Variants in ARL6 observed in about 807,000 individuals in gnomAD.
The protein encoded by ARL6 is ADP-ribosylation factor-like protein 6.
In ARL6, 18 loss-of-function variants were observed where a neutral mutation model predicts 27.1. The ratio of observed to expected loss-of-function variants is 0.66; its 90% CI spans 0.46 to 0.98. ARL6 has a LOEUF of 0.98. Among genes scored for constraint, ARL6 ranks in the 50% least tolerant of loss-of-function variants. ARL6 has a pLI of 0.00. For synonymous variants in ARL6, 65 were observed against 72.3 expected, an observed-to-expected ratio of 0.90 and a Z score of 0.51; for missense variants, 187 against 214.9, an observed-to-expected ratio of 0.87 and a Z score of 0.81.
intron 1 of ARL6, among the ~76,000 whole-genome samples, chr3:97,765,529 CAA>C (rs1372333100): frequency 6.6e-6 from 1 of 151,888 alleles, no homozygotes; most frequent in Non-Finnish European, 1.5e-5. Flanking sequence ...GGCTGGTGTG[CAA>C]AGAGAGGGTT....
intron 4 of ARL6, among the ~76,000 whole-genome samples, chr3:97,783,350 G>C (rs1403170653): frequency 1.3e-5 from 2 of 151,696 alleles, no homozygotes; most frequent in African/African-American, 4.8e-5. Flanking sequence ...TGTGGTAAGG[G>C]TAAATCAGGA....
rs1298809525 is a variant in ARL6 at position 97,799,548 on chromosome 3, C to A, written c.*1499C>A. 2 of 151,984 alleles carry A rather than the reference C, an allele frequency of 1.3e-5. No homozygotes were observed. Among genetic ancestry groups the A allele is most frequent in the Admixed American group, 1.3e-4 (2 of 15,254 alleles). The allele number at this position is 151,984 out of a possible 1,614,324, so 9.4% of individuals were successfully genotyped here. A position where few individuals can be genotyped will look rare whatever the true frequency, so the allele number is the denominator to read the frequency against. On this transcript the variant is annotated 3_prime_UTR_variant, in exon 8 of 8. Transcript: ENST00000463745. ...TGTAATTTTTTAAAAAACTGATATG[C>A]TACAACTATTTTAGGATGGAGAAAG...
intron 4 of ARL6, among the ~76,000 whole-genome samples, chr3:97,784,299 C>G (rs2037338436): frequency 6.6e-6 from 1 of 151,792 alleles, no homozygotes; most frequent in Admixed American, 6.6e-5. Flanking sequence ...CACTGGCTAT[C>G]AGCTTTTAAA....
At chr3:97,786,187 C>T (rs1259104541) in intron 5 of ARL6, among the ~76,000 whole-genome samples, 1 of 151,972 alleles carries the variant, frequency 6.6e-6, no homozygotes, top group East Asian at 1.9e-4. Context: ...CCCATCTCTA[C>T]TAAAAATACA....
chr3:97,788,112 C>A lies in ARL6; in HGVS notation c.472C>A (p.His158Asn). Residue 158 changes from histidine to asparagine, a missense_variant, in exon 6 of 8, where the codon CAT (histidine) becomes AAT (asparagine). By Grantham distance (68) the His-to-Asn change is moderately conservative. Coordinates refer to ENST00000463745, the MANE Select transcript of ARL6 (RefSeq NM_001278293.3). ...CLENIKDKPW[H>N]ICASDAIKGE... ...AGAGAACATCAAAGATAAACCCTGG[C>A]ATATTTGGTAAAGTTTTATATTTAC... The A allele has an allele frequency of 6.2e-7, 1 of 1,612,648 alleles. No individual in the cohort carries two copies. Among genetic ancestry groups the A allele is most frequent in the Non-Finnish European group, 8.5e-7 (1 of 1,179,382 alleles).
intron 1 of ARL6, among the ~76,000 whole-genome samples, chr3:97,767,828 A>C (rs761839135): frequency 1.3e-5 from 2 of 152,180 alleles, no homozygotes; most frequent in Non-Finnish European, 2.9e-5. Flanking sequence ...GATAAATTAC[A>C]GAGAGAAATG....
At chr3:97,770,834 A>G (rs966773771) in intron 2 of ARL6, among the ~76,000 whole-genome samples, 1 of 152,056 alleles carries the variant, frequency 6.6e-6, no homozygotes, top group African/African-American at 2.4e-5. Context: ...GGATGTAAAT[A>G]CATGGATTTA....
chr3:97,779,001 A>T (rs2037045869), intron 2 of ARL6, among the ~76,000 whole-genome samples: 3 of 152,152 alleles, frequency 2.0e-5, no homozygotes, highest in Non-Finnish European at 2.9e-5. Flanking sequence ...ATTCAAACAG[A>T]GGAATAGTTT....
At chr3:97,784,919 A>G in intron 4 of ARL6, 36 bp from the exon 5 acceptor site, 1 of 1,486,698 alleles carries the variant, frequency 6.7e-7, no homozygotes, top group Non-Finnish European at 9.4e-7. Context: ...ATTTATAAGT[A>G]AAGCTTTAAT....
chr3:97,776,661 TA>T (rs1306132010), intron 2 of ARL6, among the ~76,000 whole-genome samples: 6 of 146,906 alleles, frequency 4.1e-5, no homozygotes, highest in Non-Finnish European at 7.7e-5. Flanking sequence ...TTTATTTATT[TA>T]TTTTTTTTTT....
chr3:97,767,684 A>G (rs1368391118), intron 1 of ARL6, among the ~76,000 whole-genome samples: 1 of 152,202 alleles, frequency 6.6e-6, no homozygotes, highest in Non-Finnish European at 1.5e-5. Flanking sequence ...TCTGCCTTCT[A>G]CATGAACCCC....
Position 97,780,216 on chromosome 3 carries a change from T to C in ARL6, c.181T>C (p.Ser61Pro). ...ATTCAGCATAGAGAAATTCAAATCATCCAGGTAATCCACTTTATCCCTTAA... is the reference window on the plus strand; with the variant it reads ...ATTCAGCATAGAGAAATTCAAATCACCCAGGTAATCCACTTTATCCCTTAA... Reference protein sequence around the residue: ...IGFSIEKFKSSSLSFTVFDMS... With the variant: ...IGFSIEKFKSPSLSFTVFDMS... Residue 61 changes from serine to proline, a missense_variant, in exon 3 of 8, where the codon TCC becomes CCC. Coordinates refer to ENST00000463745, the MANE Select transcript of ARL6 (RefSeq NM_001278293.3). The C allele has an allele frequency of 6.2e-7, 1 of 1,610,832 alleles. No individual in the cohort carries two copies. The highest frequency in any genetic ancestry group is 8.5e-7 in the Non-Finnish European group (1 of 1,177,608).
chr3:97,784,110 A>G (rs1345958853), intron 4 of ARL6, among the ~76,000 whole-genome samples: 2 of 151,890 alleles, frequency 1.3e-5, no homozygotes, highest in Non-Finnish European at 3.0e-5. Flanking sequence ...AAAGTTTTTC[A>G]TAATGATGAA....
chr3:97,791,989 A>C (rs1413376830), intron 7 of ARL6, 163 bp downstream of exon 7: 36 of 621,456 alleles, frequency 5.8e-5, no homozygotes, highest in Non-Finnish European at 1.0e-4. Context: ...ACCTTGTTCC[A>C]TTTACTTCTA....
At chr3:97,768,255 A>G in intron 2 of ARL6, 25 bp downstream of exon 2, 2 of 1,608,878 alleles carry the variant, frequency 1.2e-6, no homozygotes, top group East Asian at 2.2e-5. Context: ...TAGATGCTTT[A>G]TGTATTTTCT....
intron 2 of ARL6, among the ~76,000 whole-genome samples, chr3:97,769,524 T>C (rs1198833839): frequency 6.6e-6 from 1 of 152,130 alleles, no homozygotes; most frequent in Non-Finnish European, 1.5e-5. Context: ...AAAATTTATC[T>C]TTTTTGTATG....
At chr3:97,795,593 G>A (rs765895925) in intron 7 of ARL6, among the ~76,000 whole-genome samples, 3 of 152,172 alleles carry the variant, frequency 2.0e-5, no homozygotes, top group African/African-American at 4.8e-5. Flanking sequence ...TATTTGATCA[G>A]TGTTGAATTA....
chr3:97,781,979 AT>A (rs1371825226), intron 4 of ARL6, among the ~76,000 whole-genome samples: 2 of 151,450 alleles, frequency 1.3e-5, no homozygotes, highest in African/African-American at 4.8e-5. Context: ...ATTTATTCAA[AT>A]TTTTTTTTCA....
chr3:97,787,876 G>A, intron 5 of ARL6, 114 bp from the exon 6 acceptor site: 2 of 1,006,876 alleles, frequency 2.0e-6, no homozygotes, highest in South Asian at 1.4e-5. Context: ...TTCTGTGTGT[G>A]TGATATGAAA....
Sources: gnomAD v4.1 joint callset for allele counts (sites outside exome capture counted in the v4.1 genomes callset) on GRCh38, gnomAD v4.1.1 for gene constraint, MANE v1.5 for transcripts, NCBI Gene and HGNC (gene_info 2026-07-23, HGNC 2026-07-21) for gene names.